LYST: variants seen among roughly 807,000 people sequenced by gnomAD.
LYST encodes lysosomal-trafficking regulator.
In LYST, 192 loss-of-function variants were observed where a neutral mutation model predicts 413.6. That is an observed-to-expected ratio of 0.46 (90% CI 0.41 to 0.52). The LOEUF (loss-of-function observed/expected upper bound fraction) is 0.52. Ranked by LOEUF, LYST falls within the 20% of genes least tolerant of loss-of-function variation. The pLI is 0.00. For missense variants in LYST, 3,815 were observed against 4,499.9 expected (o/e 0.85, Z 4.35); for synonymous variants, 1,525 against 1,567.3 (o/e 0.97, Z 0.64).
At position 235,806,254 on chromosome 1, in the gene LYST, G is replaced by A; in HGVS notation, c.2882C>T (p.Ala961Val). 6.2e-7 allele frequency: 1 copy of A among 1,613,998 alleles called. No individual in the cohort carries two copies. Among genetic ancestry groups the A allele is most frequent in the Non-Finnish European group, 8.5e-7 (1 of 1,179,978 alleles). ...CCAACGACACATAGACCAAATGTCT[G>A]CTGCTTGGTGCATATGTTCAGGAGA... is the stretch of plus-strand genomic sequence containing the variant. ...LPSPEHMHQA[A>V]DIWSMCRWIY... Residue 961 changes from alanine to valine, a missense_variant, in exon 6 of 53, where the codon GCA (alanine) becomes GTA (valine). Physicochemically the swap from Ala to Val is moderately conservative, Grantham distance 64 (BLOSUM62 0). Coordinates refer to ENST00000389793, the MANE Select transcript of LYST (RefSeq NM_000081.4).
At chr1:235,786,893 C>G (rs1670471330) in intron 14 of LYST, among the ~76,000 whole-genome samples, 1 of 107,596 alleles carries the variant, frequency 9.3e-6, no homozygotes, top group South Asian at 3.1e-4. Flanking sequence ...ACACTGGGGC[C>G]TGTCGTGGGG....
chr1:235,762,265 A>G (rs1377529657), intron 22 of LYST, among the ~76,000 whole-genome samples: 2 of 152,202 alleles, frequency 1.3e-5, no homozygotes, highest in East Asian at 3.9e-4. Flanking sequence ...TTGTAGTTTC[A>G]CAGGTGCTTG....
chr1:235,730,949 G>A lies in LYST; in HGVS notation c.8948-6C>T, dbSNP rs760884217. ...GAGTGGTGGTTTGACAACATCTGTT[G>A]AGGAGAAAAGTAAATATTATCTTTA... On this transcript the variant is annotated splice_polypyrimidine_tract_variant and splice_region_variant and intron_variant, in intron 35 of 52. Coordinates refer to ENST00000389793, the MANE Select transcript of LYST (RefSeq NM_000081.4). The A allele has an allele frequency of 3.1e-6, 5 of 1,608,658 alleles. No homozygotes were observed. Among genetic ancestry groups the A allele is most frequent in the East Asian group, 4.5e-5 (2 of 44,808 alleles).
rs1673262438 is a variant in LYST, at chr1:235,809,827, C to T, written c.991G>A (p.Val331Met). Residue 331 changes from valine to methionine, a missense_variant, in exon 5 of 53, where the codon GTG (valine) becomes ATG (methionine). Val to Met is a conservative substitution (Grantham distance 21). Transcript: ENST00000389793. This position sits in a 1 kb window ranked among gnomAD's most constrained non-coding sequence, Gnocchi z 4.0. ...ALIQRMLFRT[V>M]LHLLSVDVST... Reference sequence around the variant, plus strand: ...ACATCTACTGACAGAAGATGCAACACTGTTCGAAAGAGCATCCTTTGAATC... The same window carrying T: ...ACATCTACTGACAGAAGATGCAACATTGTTCGAAAGAGCATCCTTTGAATC... 1 of 1,614,006 alleles carries T rather than the reference C, an allele frequency of 6.2e-7. No homozygotes were observed. Among genetic ancestry groups the T allele is most frequent in the Non-Finnish European group, 8.5e-7 (1 of 1,179,968 alleles).
rs542078847 is a variant in LYST, at chr1:235,825,467, A to G, written c.192+4759T>C. 4.6e-5 allele frequency among the ~76,000 whole-genome samples: 7 copies of G among 152,346 alleles called. No individual in the cohort carries two copies. In the East Asian group the frequency reaches 1.2e-3, roughly 25 times the overall value. On this transcript the variant is annotated intron_variant, in intron 3 of 52. Transcript: ENST00000389793. ...AGGGAATCTACAGAAAAGTTTCAAG[A>G]TCTAATGAATGAATTTAGCAAAGGC...
intron 46 of LYST, among the ~76,000 whole-genome samples, chr1:235,694,045 T>C (rs1660888844): frequency 6.7e-6 from 1 of 149,484 alleles, no homozygotes; most frequent in Non-Finnish European, 1.5e-5. Flanking sequence ...AGTCTCGCTC[T>C]GTCACCCAGG....
intron 1 of LYST, among the ~76,000 whole-genome samples, chr1:235,865,999 T>C (rs760977323): frequency 2.5e-4 from 38 of 152,300 alleles, no homozygotes; most frequent in Non-Finnish European, 4.0e-4. Context: ...TGGGTGTGTA[T>C]GGTCTGCCGA....
At position 235,849,088 on chromosome 1, in the gene LYST, C is replaced by A. The variant is rs114351065; in HGVS notation, c.-97-15421G>T. Among the ~76,000 whole-genome samples the A allele has an allele frequency of 1.9e-3, 295 of 152,210 alleles. 1 individual carries two copies. The highest frequency in any genetic ancestry group is 6.7e-3 in the African/African-American group (278 of 41,544). On this transcript the variant is annotated intron_variant, in intron 1 of 52. Transcript: ENST00000389793. Reference sequence around the variant, plus strand: ...AAAAGAGAAAACTACAGAACGATATCCTTGATGAACACAGATGCTAAAATC... The same window carrying A: ...AAAAGAGAAAACTACAGAACGATATACTTGATGAACACAGATGCTAAAATC...
intron 3 of LYST, chr1:235,828,262 G>T: frequency 1.8e-6 from 1 of 544,672 alleles, no homozygotes; most frequent in Non-Finnish European, 2.3e-6. Flanking sequence ...TTGCTTAGGG[G>T]TAGGGGAATG....
intron 43 of LYST, among the ~76,000 whole-genome samples, chr1:235,710,980 T>G (rs1267475677): frequency 1.3e-5 from 2 of 152,202 alleles, no homozygotes; most frequent in Non-Finnish European, 2.9e-5. Flanking sequence ...TCCTGCCTGT[T>G]CCAGCTCCAG....
At chr1:235,879,396 G>A (rs570460363) in intron 1 of LYST, among the ~76,000 whole-genome samples, 25 of 152,304 alleles carry the variant, frequency 1.6e-4, no homozygotes, top group Non-Finnish European at 3.2e-4. Flanking sequence ...AGCATATGGC[G>A]GGAATGGTCG....
At chr1:235,880,941 C>T (rs1681350123) in intron 1 of LYST, among the ~76,000 whole-genome samples, 1 of 152,166 alleles carries the variant, frequency 6.6e-6, no homozygotes, top group African/African-American at 2.4e-5. Context: ...GCCTAACCAA[C>T]ATGGTGAAAC....
rs577320258 is a variant in LYST, at chr1:235,733,673, A to T, written c.8631T>A (p.Asp2877Glu). 1 of 1,613,470 alleles carries T rather than the reference A, an allele frequency of 6.2e-7. No homozygotes were observed. The highest frequency in any genetic ancestry group is 1.1e-5 in the South Asian group (1 of 91,076). ...TTTTAGATATATCCTTTGATTTTGA[A>T]TCCAGACGCTGAAAGAGACTAAACA... is the stretch of plus-strand genomic sequence containing the variant. ...NNQQSLFQRLDSKSKDISKIA... is the reference protein window; with the variant it reads ...NNQQSLFQRLESKSKDISKIA... The change falls in exon 34 of 53, where the codon GAT becomes GAA. Residue 2877 changes from aspartate (D) to glutamate (E), a missense_variant. Asp to Glu is a conservative substitution (Grantham distance 45, BLOSUM62 2). This residue lies in a region of LYST where 866 missense variants were observed against 1,156.0 expected (regional missense o/e 0.75). Coordinates refer to ENST00000389793, the MANE Select transcript of LYST (RefSeq NM_000081.4).
At chr1:235,878,808 G>T (rs1681247686) in intron 1 of LYST, among the ~76,000 whole-genome samples, 1 of 152,150 alleles carries the variant, frequency 6.6e-6, no homozygotes, top group Non-Finnish European at 1.5e-5. Context: ...TGGAAACCTG[G>T]CTTTTAACCC....
At chr1:235,738,204 A>T in intron 31 of LYST, 1 of 1,610,476 alleles carries the variant, frequency 6.2e-7, no homozygotes, top group Non-Finnish European at 8.5e-7. Flanking sequence ...CCACCATGGC[A>T]GCCTTTTCCT....
chr1:235,809,931 A>T lies in LYST; in HGVS notation c.887T>A (p.Phe296Tyr). Residue 296 changes from phenylalanine to tyrosine, a missense_variant, in exon 5 of 53, where the codon TTT (phenylalanine) becomes TAT (tyrosine). By Grantham distance (22) the Phe-to-Tyr change is conservative. Around this residue, in one of 4 missense-constraint regions of LYST, gnomAD observed 1,648 missense variants for 1,810.3 expected, o/e 0.91. Transcript: ENST00000389793. The surrounding 1 kb of genome is among the most constrained non-coding windows in gnomAD (Gnocchi z 4.0). Reference protein sequence around the residue: ...VPTLTEFLAGFGDCCSLSDNL... With the variant: ...VPTLTEFLAGYGDCCSLSDNL... ...GTCGCTCAGACTGCAGCAGTCCCCA[A>T]AGCCTGCTAGGAATTCAGTTAGTGT... is the stretch of plus-strand genomic sequence containing the variant. 1 of 1,613,918 alleles carries T rather than the reference A, an allele frequency of 6.2e-7. No individual in the cohort carries two copies. Among genetic ancestry groups the T allele is most frequent in the African/African-American group, 1.3e-5 (1 of 75,044 alleles).
chr1:235,762,604 T>C, intron 22 of LYST, 116 bp downstream of exon 22: 1 of 1,039,528 alleles, frequency 9.6e-7, no homozygotes, highest in Non-Finnish European at 1.5e-6. Context: ...TGGGTGTCTC[T>C]TGTTAGATTG....
At chr1:235,738,522 G>T in intron 31 of LYST, 2 of 1,611,958 alleles carry the variant, frequency 1.2e-6, no homozygotes, top group Non-Finnish European at 1.7e-6. Flanking sequence ...TTACCCAATG[G>T]GGGAAAGGCT....
At chr1:235,730,397 T>A (rs1264235435) in intron 36 of LYST, among the ~76,000 whole-genome samples, 3 of 152,074 alleles carry the variant, frequency 2.0e-5, no homozygotes, top group Admixed American at 2.0e-4. Context: ...GGAACTGGAA[T>A]CTAAACCTTT....
Sources: allele counts gnomAD v4.1 joint callset (sites outside exome capture counted in the v4.1 genomes callset), GRCh38; gene constraint gnomAD v4.1.1; regional missense constraint gnomAD v4.1.1; non-coding constraint Gnocchi (gnomAD v3.1); transcripts MANE v1.5; gene names NCBI Gene and HGNC (gene_info 2026-07-23, HGNC 2026-07-21).